CRTC1: variants seen among roughly 807,000 people sequenced by gnomAD.
CRTC1 encodes CREB-regulated transcription coactivator 1.
A neutral mutation model predicts 66.1 loss-of-function variants in CRTC1; 18 were observed. The ratio of observed to expected loss-of-function variants is 0.27; its 90% CI spans 0.19 to 0.40. The LOEUF (loss-of-function observed/expected upper bound fraction) is 0.40, where lower values mean the gene tolerates loss of function less well. Ranked by LOEUF, CRTC1 falls within the 10% of genes least tolerant of loss-of-function variation. The probability of loss-of-function intolerance (pLI) is 1.00; values close to 1 mark genes in which losing one functional copy is unlikely to be tolerated. For synonymous variants in CRTC1, 416 were observed against 398.8 expected (o/e 1.04, Z -0.51); for missense variants, 669 against 887.9 (o/e 0.75, Z 3.13).
At chr19:18,694,728 G>A (rs1053566385) in intron 1 of CRTC1, among the ~76,000 whole-genome samples, 2 of 152,080 alleles carry the variant, frequency 1.3e-5, no homozygotes, top group African/African-American at 4.8e-5. Context: ...GAGTCACTGC[G>A]CCAGGCGCAT....
chr19:18,768,748 C>A lies in CRTC1; in HGVS notation c.1275C>A (p.Pro425=), dbSNP rs748015643. 1.2e-6 allele frequency: 2 copies of A among 1,601,874 alleles called. No homozygotes were observed. Among genetic ancestry groups the A allele is most frequent in the African/African-American group, 1.3e-5 (1 of 74,576 alleles). Residue 425 remains proline, a synonymous_variant, in exon 10 of 14, where the codon CCC becomes CCA. Transcript: ENST00000321949. The surrounding 1 kb of genome is among the most constrained non-coding windows in gnomAD (Gnocchi z 5.6). ...VTVPSSLPQS[P]PENPGQPSMG... ...TACCGTCCTCTCTCCCCCAGTCCCC[C>A]CCAGAGAACCCTGGCCAGCCATCGA...
intron 11 of CRTC1, 133 bp from the exon 12 acceptor site, chr19:18,774,767 A>G: frequency 1.3e-6 from 1 of 790,580 alleles, no homozygotes; most frequent in Non-Finnish European, 2.1e-6. Flanking sequence ...GAACCCCAAA[A>G]TAAGCATCAT....
At chr19:18,774,818 G>C in intron 11 of CRTC1, 82 bp from the exon 12 acceptor site, 2 of 1,373,566 alleles carry the variant, frequency 1.5e-6, no homozygotes, top group Non-Finnish European at 2.1e-6. Flanking sequence ...GGGGCCTCTT[G>C]TCTTCCAGCC....
intron 1 of CRTC1, among the ~76,000 whole-genome samples, chr19:18,711,576 C>T (rs1600810987): frequency 6.6e-6 from 1 of 152,220 alleles, no homozygotes. Flanking sequence ...GCCACAGCTG[C>T]GGCCGGCCAC....
intron 1 of CRTC1, among the ~76,000 whole-genome samples, chr19:18,721,415 G>A (rs188771262): frequency 4.0e-5 from 6 of 150,376 alleles, no homozygotes; most frequent in Admixed American, 3.3e-4. Context: ...GGATGGTCTC[G>A]ATTTCCTGAC....
intron 1 of CRTC1, among the ~76,000 whole-genome samples, chr19:18,714,357 G>T (rs2053459389): frequency 6.6e-6 from 1 of 152,096 alleles, no homozygotes; most frequent in Non-Finnish European, 1.5e-5. Flanking sequence ...ACCTAGGCTG[G>T]AGTACGGTGG....
At chr19:18,775,557 A>C (rs12611313) in intron 12 of CRTC1, 84 bp from the exon 13 acceptor site, 206,251 of 1,253,320 alleles carry the variant, frequency 0.16, 18,643 homozygotes, top group African/African-American at 0.36. Flanking sequence ...TGCGGGCAGG[A>C]CAGCCACAGC....
intron 5 of CRTC1, 58 bp downstream of exon 5, chr19:18,749,933 C>A (rs2054327068): frequency 1.4e-6 from 2 of 1,382,232 alleles, no homozygotes. Flanking sequence ...GCAGGTAACC[C>A]CTGTTCTCCA....
rs2055064608 is a variant in CRTC1 at position 18,779,614 on chromosome 19, AC to A, written c.*2234del. On this transcript the variant is annotated 3_prime_UTR_variant, in exon 14 of 14. Transcript: ENST00000321949. ...AAGGCATTGAGGACCATGCTAGGAA[AC>A]CTCATACCCCATCCGTCCAACCTCC... 4.5e-6 allele frequency: 1 copy of A among 222,562 alleles called. No individual in the cohort carries two copies. The highest frequency in any genetic ancestry group is 2.2e-5 in the African/African-American group (1 of 44,724). 13.8% of individuals were successfully genotyped at this position (222,562 alleles called of 1,614,324 possible).
chr19:18,772,664 G>C (rs2054896211), intron 11 of CRTC1, among the ~76,000 whole-genome samples: 1 of 152,178 alleles, frequency 6.6e-6, no homozygotes, highest in African/African-American at 2.4e-5. Flanking sequence ...ACGTGTATAG[G>C]GACATCTGCC....
intron 11 of CRTC1, among the ~76,000 whole-genome samples, chr19:18,773,180 G>A (rs991895981): frequency 1.3e-5 from 2 of 152,070 alleles, no homozygotes; most frequent in Admixed American, 6.5e-5. Flanking sequence ...ACATCAGTAC[G>A]GGGCTCTCAG....
chr19:18,752,475 C>T (rs560725188), intron 5 of CRTC1, among the ~76,000 whole-genome samples: 1 of 152,240 alleles, frequency 6.6e-6, no homozygotes, highest in African/African-American at 2.4e-5. Context: ...AGCACCACCA[C>T]ACCCGGCCAA....
intron 1 of CRTC1, among the ~76,000 whole-genome samples, chr19:18,689,884 C>T (rs1443316435): frequency 6.6e-6 from 1 of 151,868 alleles, no homozygotes. Flanking sequence ...TCTGGTAACT[C>T]TCCATTTATC....
At chr19:18,725,370 GA>G (rs917971293) in intron 1 of CRTC1, among the ~76,000 whole-genome samples, 2 of 152,178 alleles carry the variant, frequency 1.3e-5, no homozygotes, top group African/African-American at 4.8e-5. Context: ...CCAGCTCCCA[GA>G]ATCCTTGCTC....
chr19:18,747,566 G>A (rs1437830255), intron 4 of CRTC1, among the ~76,000 whole-genome samples: 2 of 152,164 alleles, frequency 1.3e-5, no homozygotes, highest in Non-Finnish European at 2.9e-5. Flanking sequence ...CCGGGAGGCG[G>A]AGGTTGCGGT....
chr19:18,762,107 A>G (rs12610715), intron 8 of CRTC1, among the ~76,000 whole-genome samples: 37,487 of 152,206 alleles, frequency 0.25, 5,555 homozygotes, highest in East Asian at 0.71. Context: ...TGCCCCGCAT[A>G]GAAGCCACCA....
intron 1 of CRTC1, among the ~76,000 whole-genome samples, chr19:18,691,213 A>G (rs996616777): frequency 4.0e-5 from 6 of 150,880 alleles, no homozygotes; most frequent in African/African-American, 1.5e-4. Context: ...AAAGAAAAAG[A>G]AAAAGGAAAA....
chr19:18,757,707 T>A (rs1419159850), intron 6 of CRTC1, among the ~76,000 whole-genome samples: 1 of 151,630 alleles, frequency 6.6e-6, no homozygotes, highest in Non-Finnish European at 1.5e-5. Flanking sequence ...GCCTCATCTC[T>A]TAAAAAAAAA....
In CRTC1 at chr19:18,760,005, C is replaced by T. The variant is rs1184087318; in HGVS notation, c.666-3C>T. On this transcript the variant is annotated splice_region_variant and splice_polypyrimidine_tract_variant and intron_variant, in intron 7 of 13. Coordinates refer to ENST00000321949, the MANE Select transcript of CRTC1 (RefSeq NM_015321.3). The surrounding 1 kb of genome is among the most constrained non-coding windows in gnomAD (Gnocchi z 6.2). ...CTCCTGCCTGCCTCTGGCCTTTTCC[C>T]AGCATCTTCCCGTCTGCCGACCAGG... 6.5e-7 allele frequency: 1 copy of T among 1,542,750 alleles called. No individual in the cohort carries two copies. The highest frequency in any genetic ancestry group is 8.8e-7 in the Non-Finnish European group (1 of 1,133,132).
Sources: allele counts gnomAD v4.1 joint callset (sites outside exome capture counted in the v4.1 genomes callset), GRCh38; gene constraint gnomAD v4.1.1; non-coding constraint Gnocchi (gnomAD v3.1); transcripts MANE v1.5; gene names NCBI Gene and HGNC (gene_info 2026-07-23, HGNC 2026-07-21).